The following PPP2R1B variants were observed in gnomAD, a reference collection of about 807,000 sequenced individuals.
The protein encoded by PPP2R1B is protein phosphatase 2 scaffold subunit Abeta.
In PPP2R1B, 58 loss-of-function variants were observed where a neutral mutation model predicts 72.7. That is an observed-to-expected ratio of 0.80 (90% CI 0.65 to 0.99). The LOEUF is 0.99. PPP2R1B is among the 50% of genes least tolerant of loss of function. PPP2R1B has a pLI of 0.00. For synonymous variants in PPP2R1B, 256 were observed against 264.6 expected, an observed-to-expected ratio of 0.97 and a Z score of 0.32; for missense variants, 695 against 733.6, an observed-to-expected ratio of 0.95 and a Z score of 0.61.
At chr11:111,720,042 C>G in the PPP2R1B span, 2 of 1,573,616 alleles carry the variant, frequency 1.3e-6, no homozygotes, top group Non-Finnish European at 1.7e-6. Context: ...GTCTTCATGG[C>G]ATCATGTCAT....
downstream of PPP2R1B, chr11:111,724,256 A>G (rs1028303418): frequency 7.5e-6 from 10 of 1,328,752 alleles, no homozygotes; most frequent in Admixed American, 1.4e-4. Context: ...GAGCCACCCA[A>G]CTGGAATCAG....
At chr11:111,745,088 G>A (rs982900269) in intron 11 of PPP2R1B, among the ~76,000 whole-genome samples, 14 of 124,242 alleles carry the variant, frequency 1.1e-4, no homozygotes, top group Non-Finnish European at 2.2e-4. Flanking sequence ...GCCTCACTCT[G>A]TCTCTCAGGC....
At chr11:111,724,940 G>A (rs1346041101), downstream of PPP2R1B, 1 of 152,322 alleles carries the variant, frequency 6.6e-6, no homozygotes, top group Non-Finnish European at 1.5e-5. Flanking sequence ...CCTGGGCCAG[G>A]GAAGACAGGC....
Position 111,739,102 on chromosome 11 carries a change from G to A in PPP2R1B, c.*2494C>T, listed in dbSNP as rs994366146. On this transcript the variant is annotated 3_prime_UTR_variant, in exon 15 of 15. Transcript: ENST00000527614. ...AAGCAGGAAAATCTTTCTGTCAGTG[G>A]GAGAATAAGACACAGTCTGGTTCTT... 2 of 985,194 alleles carry A rather than the reference G, an allele frequency of 2.0e-6. No homozygotes were observed. Among genetic ancestry groups the A allele is most frequent in the Middle Eastern group, 5.2e-4 (1 of 1,936 alleles). 61.0% of individuals were successfully genotyped at this position (985,194 alleles called of 1,614,324 possible).
At chr11:111,718,788 C>CA in the PPP2R1B span, 1 of 152,232 alleles carries the variant, frequency 6.6e-6, no homozygotes, top group Non-Finnish European at 1.5e-5. Flanking sequence ...AACTCAGCGT[C>CA]TTATGACTGG....
At chr11:111,734,170 C>T (rs1944275391), downstream of PPP2R1B, among the ~76,000 whole-genome samples, 2 of 152,170 alleles carry the variant, frequency 1.3e-5, no homozygotes, top group African/African-American at 2.4e-5. Flanking sequence ...TCACAGAGTC[C>T]CACTCTGCCT....
At chr11:111,732,978 A>C (rs1268251965), downstream of PPP2R1B, among the ~76,000 whole-genome samples, 5 of 152,314 alleles carry the variant, frequency 3.3e-5, no homozygotes, top group East Asian at 5.8e-4. Flanking sequence ...CACAGGAATC[A>C]TCCTGGACAA....
intron 15 of PPP2R1B, chr11:111,727,114 C>G: frequency 2.0e-6 from 3 of 1,478,434 alleles, no homozygotes; most frequent in Non-Finnish European, 2.8e-6. Context: ...TTTCACATTC[C>G]CGGTGACACT....
Position 111,764,900 on chromosome 11 carries a change from T to C in PPP2R1B, c.211A>G (p.Ile71Val), listed in dbSNP as rs372351210. ...AATAGTACCTCATCTTCATCATAAA[T>C]TGTATCTGGAAGTGACAACAACAGG... ...SELLPFLTDT[I>V]YDEDEVLLAL... Residue 71 changes from isoleucine (I) to valine (V), a missense_variant, in exon 3 of 15, where the codon ATT (isoleucine) becomes GTT (valine). Coordinates refer to ENST00000527614, the MANE Select transcript of PPP2R1B (RefSeq NM_002716.5). 2.5e-4 allele frequency: 408 copies of C among 1,613,782 alleles called. 15 individuals carry two copies. In the South Asian group the frequency reaches 2.8e-3, roughly 11 times the overall value.
the PPP2R1B span, among the ~76,000 whole-genome samples, chr11:111,717,297 G>A: frequency 6.4e-5 from 7 of 108,818 alleles, no homozygotes; most frequent in Admixed American, 3.0e-4. Context: ...GAGCCTGGGC[G>A]ACAGAGCGAG....
At chr11:111,721,115 T>C in the PPP2R1B span, 44 of 1,555,958 alleles carry the variant, frequency 2.8e-5, no homozygotes, top group Non-Finnish European at 3.8e-5. Context: ...AGGTGTGAGT[T>C]TGTCCTGAAG....
chr11:111,725,368 G>C (rs1289485844), downstream of PPP2R1B: 1 of 152,624 alleles, frequency 6.6e-6, no homozygotes, highest in East Asian at 1.9e-4. Flanking sequence ...AACCACAGAT[G>C]TGTTAACCAT....
the PPP2R1B span, chr11:111,703,506 G>A: frequency 4.0e-6 from 5 of 1,242,954 alleles, no homozygotes; most frequent in South Asian, 1.3e-5. Flanking sequence ...TGGTCTTTTA[G>A]CACATGTATC....
chr11:111,752,546 A>T (rs1399450594), intron 9 of PPP2R1B, among the ~76,000 whole-genome samples: 1 of 152,264 alleles, frequency 6.6e-6, no homozygotes, highest in East Asian at 1.9e-4. Context: ...TAAAGACTAC[A>T]AGAAAAGTCC....
At chr11:111,729,025 T>C (rs1944089074) in intron 15 of PPP2R1B, 1 of 152,282 alleles carries the variant, frequency 6.6e-6, no homozygotes, top group Admixed American at 6.5e-5. Flanking sequence ...TGACAGGTTC[T>C]ACAGTGTGGT....
intron 14 of PPP2R1B, 26 bp downstream of exon 14, chr11:111,742,027 G>T: frequency 6.4e-7 from 1 of 1,567,562 alleles, no homozygotes; most frequent in African/African-American, 1.4e-5. Flanking sequence ...GGCATAAGCT[G>T]CAAGGCAAAA....
At chr11:111,721,715 T>C in the PPP2R1B span, 1 of 678,150 alleles carries the variant, frequency 1.5e-6, no homozygotes, top group South Asian at 2.2e-5. Flanking sequence ...TGAGTATTAA[T>C]AAGTCTCAGT....
chr11:111,752,528 C>T (rs1318601023), intron 9 of PPP2R1B, among the ~76,000 whole-genome samples, 196 bp from the exon 10 acceptor site: 1 of 152,010 alleles, frequency 6.6e-6, no homozygotes, highest in Non-Finnish European at 1.5e-5. Flanking sequence ...ATTAAAAGTC[C>T]GTAATACTAA....
intron 8 of PPP2R1B, 123 bp downstream of exon 8, chr11:111,754,376 C>A: frequency 7.7e-7 from 1 of 1,307,162 alleles, no homozygotes; most frequent in East Asian, 2.7e-5. Flanking sequence ...ACACATCTTC[C>A]CCATTCATTC....
Sources: allele counts gnomAD v4.1 joint callset (sites outside exome capture counted in the v4.1 genomes callset), GRCh38; gene constraint gnomAD v4.1.1; transcripts MANE v1.5; gene names NCBI Gene and HGNC (gene_info 2026-07-23, HGNC 2026-07-21).